PTBP1: variants seen among roughly 807,000 people sequenced by gnomAD.
The protein encoded by PTBP1 is polypyrimidine tract binding protein 1.
In PTBP1, 8 loss-of-function variants were observed where a neutral mutation model predicts 59.8. The ratio of observed to expected loss-of-function variants is 0.13; its 90% confidence interval spans 0.08 to 0.24. The LOEUF is 0.24. PTBP1 is among the 10% of genes least tolerant of loss of function. The pLI is 1.00. For missense variants in PTBP1, 686 were observed against 767.0 expected (o/e 0.89, Z 1.25); for synonymous variants, 490 against 320.7 (o/e 1.53, Z -5.64).
In PTBP1 at chr19:805,159, G is replaced by A. The variant is rs760532345; in HGVS notation, c.864G>A (p.Ser288=). 27 of 1,613,478 alleles carry A rather than the reference G, an allele frequency of 1.7e-5. No individual in the cohort carries two copies. The highest frequency in any genetic ancestry group is 9.9e-5 in the South Asian group (9 of 91,092). Residue 288 remains serine (S), a synonymous_variant, in exon 8 of 15, where the codon TCG becomes TCA. Transcript: ENST00000356948. ...TGCCTTCCGGGGACAGCCAGCCCTC[G>A]CTGGACCAGACCATGGCCGCGGCCT... The part of the protein sequence containing the change: ...PDLPSGDSQP[S]LDQTMAAAFG...
Position 803,542 on chromosome 19 carries a change from G to C in PTBP1, c.40-19G>C. On this transcript the variant is annotated intron_variant, in intron 2 of 14. Coordinates refer to ENST00000356948, the MANE Select transcript of PTBP1 (RefSeq NM_002819.5). ...GGCCTGGTGGGAAGTGCAGCTCCGC[G>C]TTGTCCCTTCTCTTGCAGCGGGGAT... The C allele has an allele frequency of 6.2e-7, 1 of 1,610,212 alleles. No individual in the cohort carries two copies. Among genetic ancestry groups the C allele is most frequent in the Non-Finnish European group, 8.5e-7 (1 of 1,176,454 alleles).
chr19:809,584 T>C (rs1003574461), intron 13 of PTBP1, among the ~76,000 whole-genome samples: 1 of 152,162 alleles, frequency 6.6e-6, no homozygotes, highest in African/African-American at 2.4e-5. Context: ...CCTCCCAAAG[T>C]GCTGGGATAA....
chr19:801,273 G>A (rs1160038332), intron 2 of PTBP1, among the ~76,000 whole-genome samples: 1 of 152,220 alleles, frequency 6.6e-6, no homozygotes, highest in African/African-American at 2.4e-5. Flanking sequence ...GCTAGGCCCA[G>A]CTCGTGTCTC....
At chr19:797,984 A>G (rs1368128033) in intron 1 of PTBP1, among the ~76,000 whole-genome samples, 1 of 148,848 alleles carries the variant, frequency 6.7e-6, no homozygotes, top group Admixed American at 6.7e-5. Flanking sequence ...CGCCGCCCGG[A>G]CTCTGCCCCC....
At chr19:798,011 C>T (rs1026624757) in intron 1 of PTBP1, among the ~76,000 whole-genome samples, 2 of 150,768 alleles carry the variant, frequency 1.3e-5, no homozygotes, top group African/African-American at 2.4e-5. Context: ...GCCCCGGAAG[C>T]GCAGGCGGGG....
chr19:804,769 G>T (rs1168810215), intron 6 of PTBP1, 60 bp from the exon 7 acceptor site: 2 of 1,608,358 alleles, frequency 1.2e-6, no homozygotes, highest in African/African-American at 2.7e-5. Flanking sequence ...CACACGGGAG[G>T]GGCCTGGCAG....
In PTBP1 at chr19:811,134, C is replaced by T. The variant is rs912901310; in HGVS notation, c.*308C>T. The T allele has an allele frequency of 1.1e-5, 3 of 266,956 alleles. No homozygotes were observed. Among genetic ancestry groups the T allele is most frequent in the East Asian group, 6.9e-5 (1 of 14,390 alleles). The allele number at this position is 266,956 out of a possible 1,614,324, so 16.5% of individuals were successfully genotyped here. On this transcript the variant is annotated 3_prime_UTR_variant, in exon 15 of 15. Transcript: ENST00000356948. Reference sequence around the variant, plus strand: ...GCGTGGGGCCTGCAGGTGGGCGCCCCGACCACGACTTGGCTTCCTTGTGCC... The same window carrying T: ...GCGTGGGGCCTGCAGGTGGGCGCCCTGACCACGACTTGGCTTCCTTGTGCC...
chr19:808,468 G>C lies in PTBP1; in HGVS notation c.1246+16G>C, dbSNP rs373603313. The C allele has an allele frequency of 6.3e-7, 1 of 1,582,498 alleles. No homozygotes were observed. The highest frequency in any genetic ancestry group is 8.6e-7 in the Non-Finnish European group (1 of 1,165,602). On this transcript the variant is annotated intron_variant, in intron 12 of 14. Coordinates refer to ENST00000356948, the MANE Select transcript of PTBP1 (RefSeq NM_002819.5). The surrounding 1 kb of genome is among the most constrained non-coding windows in gnomAD (Gnocchi z 4.7). Reference sequence around the variant, plus strand: ...GCCCAGCTGGGTAAGAGGCCGGGGCGGCCCCGGGGTGGAGGGGGCAGGGGC... The same window carrying C: ...GCCCAGCTGGGTAAGAGGCCGGGGCCGCCCCGGGGTGGAGGGGGCAGGGGC...
chr19:808,268 G>T lies in PTBP1; in HGVS notation c.1154-92G>T. 8.2e-6 allele frequency: 9 copies of T among 1,096,980 alleles called. No homozygotes were observed. The highest frequency in any genetic ancestry group is 1.2e-5 in the Non-Finnish European group (9 of 740,470). The allele number at this position is 1,096,980 out of a possible 1,614,324, so 68.0% of individuals were successfully genotyped here. A position where few individuals can be genotyped will look rare whatever the true frequency, so the allele number is the denominator to read the frequency against. On this transcript the variant is annotated intron_variant, in intron 11 of 14. Coordinates refer to ENST00000356948, the MANE Select transcript of PTBP1 (RefSeq NM_002819.5). The surrounding 1 kb of genome is among the most constrained non-coding windows in gnomAD (Gnocchi z 4.7). Reference sequence around the variant, plus strand: ...AAAGCAAACCCGGCCGGGCTGAGCCGGGCCTTGTGGGGGTGCGCGGGGCCG... The same window carrying T: ...AAAGCAAACCCGGCCGGGCTGAGCCTGGCCTTGTGGGGGTGCGCGGGGCCG...
intron 10 of PTBP1, chr19:806,859 C>G: frequency 3.9e-6 from 1 of 259,440 alleles, no homozygotes; most frequent in Admixed American, 5.4e-5. Flanking sequence ...GTTCAGAGCC[C>G]CAGCAGGCCG....
chr19:797,462 C>T lies in PTBP1; in HGVS notation c.-36C>T, dbSNP rs377539174. ...GGGTCGGTTCCTGCTATTCCGGCGC[C>T]TCCACTCCGTCCCCCGCGGGTCTGC... On this transcript the variant is annotated 5_prime_UTR_variant, in exon 1 of 15. Coordinates refer to ENST00000356948, the MANE Select transcript of PTBP1 (RefSeq NM_002819.5). 13 of 1,598,840 alleles carry T rather than the reference C, an allele frequency of 8.1e-6. No individual in the cohort carries two copies. In the Admixed American group the frequency reaches 1.5e-4, roughly 19 times the overall value.
chr19:806,376 GC>G, intron 9 of PTBP1, 31 bp from the exon 10 acceptor site: 1 of 1,574,050 alleles, frequency 6.4e-7, no homozygotes. Flanking sequence ...AGTCGGGGGC[GC>G]CGCCGCTCAT....
chr19:805,598 A>G, intron 9 of PTBP1, 29 bp downstream of exon 9: 1 of 1,580,010 alleles, frequency 6.3e-7, no homozygotes, highest in Non-Finnish European at 8.7e-7. Flanking sequence ...TTGGTTCCCC[A>G]GCGACTGCAT....
Position 811,482 on chromosome 19 carries a change from T to C in PTBP1, c.*656T>C, listed in dbSNP as rs2034871135. The stretch of plus-strand genomic sequence containing the variant: ...CGTCTGTGCCTAGCAATATTTCCAG[T>C]TGACCAAATATTCTAATCTTTTTTC... On this transcript the variant is annotated 3_prime_UTR_variant, in exon 15 of 15. Transcript: ENST00000356948. The C allele has an allele frequency of 6.6e-6, 1 of 152,512 alleles. No homozygotes were observed. Among genetic ancestry groups the C allele is most frequent in the African/African-American group, 2.4e-5 (1 of 41,476 alleles). The allele number at this position is 152,512 out of a possible 1,614,324, so 9.4% of individuals were successfully genotyped here. A position where few individuals can be genotyped will look rare whatever the true frequency, so the allele number is the denominator to read the frequency against.
At chr19:802,186 T>C (rs2034363138) in intron 2 of PTBP1, among the ~76,000 whole-genome samples, 1 of 152,210 alleles carries the variant, frequency 6.6e-6, no homozygotes, top group Non-Finnish European at 1.5e-5. Context: ...CCCATCCTCC[T>C]TGAGCAGGTG....
In PTBP1 at chr19:807,912, C is replaced by T. The variant is rs754473576; in HGVS notation, c.1153+10C>T. On this transcript the variant is annotated intron_variant, in intron 11 of 14. Coordinates refer to ENST00000356948, the MANE Select transcript of PTBP1 (RefSeq NM_002819.5). Reference sequence around the variant, plus strand: ...CTCTTTATTCTTTTCGGTATGTTATCGTTCACACTTTTATTACCTTGTTTT... The same window carrying T: ...CTCTTTATTCTTTTCGGTATGTTATTGTTCACACTTTTATTACCTTGTTTT... 6 of 1,608,446 alleles carry T rather than the reference C, an allele frequency of 3.7e-6. No individual in the cohort carries two copies. Among genetic ancestry groups the T allele is most frequent in the Admixed American group, 3.3e-5 (2 of 59,980 alleles).
Position 808,281 on chromosome 19 carries a change from G to A in PTBP1, c.1154-79G>A. Reference sequence around the variant, plus strand: ...CCGGGCTGAGCCGGGCCTTGTGGGGGTGCGCGGGGCCGGGGCTGACGGGGA... The same window carrying A: ...CCGGGCTGAGCCGGGCCTTGTGGGGATGCGCGGGGCCGGGGCTGACGGGGA... On this transcript the variant is annotated intron_variant, in intron 11 of 14. Coordinates refer to ENST00000356948, the MANE Select transcript of PTBP1 (RefSeq NM_002819.5). This position sits in a 1 kb window ranked among gnomAD's most constrained non-coding sequence, Gnocchi z 4.7. The A allele has an allele frequency of 8.2e-7, 1 of 1,221,070 alleles. No individual in the cohort carries two copies. Among genetic ancestry groups the A allele is most frequent in the Non-Finnish European group, 1.2e-6 (1 of 850,806 alleles). The allele number at this position is 1,221,070 out of a possible 1,614,324, so 75.6% of individuals were successfully genotyped here.
chr19:804,418 G>C lies in PTBP1; in HGVS notation c.415G>C (p.Asp139His), dbSNP rs751600974. 6.2e-7 allele frequency: 1 copy of C among 1,611,658 alleles called. No individual in the cohort carries two copies. The highest frequency in any genetic ancestry group is 8.5e-7 in the Non-Finnish European group (1 of 1,179,980). The change falls in exon 5 of 15, where the codon GAC (aspartate) becomes CAC (histidine). Residue 139 changes from aspartate (D) to histidine (H), a missense_variant. Coordinates refer to ENST00000356948, the MANE Select transcript of PTBP1 (RefSeq NM_002819.5). ...QFSNHKELKT[D>H]SSPNQARAQA... ...CTCCAACCACAAGGAGCTGAAGACC[G>C]ACAGCTCTCCCAACCAGGCGGTGCG...
chr19:806,494 G>A lies in PTBP1; in HGVS notation c.1057G>A (p.Ala353Thr), dbSNP rs766586041. 8.2e-6 allele frequency: 13 copies of A among 1,577,576 alleles called. No individual in the cohort carries two copies. The highest frequency in any genetic ancestry group is 5.6e-5 in the African/African-American group (4 of 71,314). Residue 353 changes from alanine to threonine, a missense_variant, in exon 10 of 15, where the codon GCC (alanine) becomes ACC (threonine). By Grantham distance (58) the Ala-to-Thr change is moderately conservative. Coordinates refer to ENST00000356948, the MANE Select transcript of PTBP1 (RefSeq NM_002819.5). Reference sequence around the variant, plus strand: ...GGCAGCTGCGGCGGCAGGTCGGATCGCCATCCCGGGCCTGGCGGGGGCAGG... The same window carrying A: ...GGCAGCTGCGGCGGCAGGTCGGATCACCATCCCGGGCCTGGCGGGGGCAGG... Reference protein sequence around the residue: ...AAAAAAAGRIAIPGLAGAGNS... With the variant: ...AAAAAAAGRITIPGLAGAGNS...
Sources: gnomAD v4.1 joint callset for allele counts (sites outside exome capture counted in the v4.1 genomes callset) on GRCh38, gnomAD v4.1.1 for gene constraint, Gnocchi (gnomAD v3.1) non-coding constraint, MANE v1.5 for transcripts, NCBI Gene and HGNC (gene_info 2026-07-23, HGNC 2026-07-21) for gene names.